Variants in FMN1 observed in about 807,000 individuals in gnomAD.
FMN1 encodes the protein formin-1.
A neutral mutation model predicts 132.4 loss-of-function variants in FMN1; 110 were observed. That is an observed-to-expected ratio of 0.83 (90% CI 0.71 to 0.97). The LOEUF is 0.97. Ranked by LOEUF, FMN1 falls within the 50% of genes least tolerant of loss-of-function variation. The pLI, the probability that FMN1 is intolerant of heterozygous loss-of-function variation, is 0.00. For missense variants in FMN1, 1,792 were observed against 1,705.3 expected (o/e 1.05, Z -0.90); for synonymous variants, 722 against 651.7 (o/e 1.11, Z -1.64).
At chr15:33,019,431 G>A (rs1238734111) in intron 6 of FMN1, among the ~76,000 whole-genome samples, 1 of 152,238 alleles carries the variant, frequency 6.6e-6, no homozygotes, top group South Asian at 2.1e-4. Flanking sequence ...TCACCCAGTG[G>A]ATCCTGCACC....
Position 33,000,427 on chromosome 15 carries a change from C to T in FMN1, c.2223+7587G>A, listed in dbSNP as rs576139475. ...TCCTGCCACTGCACTCCAGCCTGGG[C>T]GACAGAGCCAGACTCCATCTCAGGA... is the stretch of plus-strand genomic sequence containing the variant. On this transcript the variant is annotated intron_variant, in intron 7 of 20. Coordinates refer to ENST00000616417, the MANE Select transcript of FMN1 (RefSeq NM_001277313.2). 1.2e-3 allele frequency among the ~76,000 whole-genome samples: 162 copies of T among 131,862 alleles called. 1 individual carries two copies. The highest frequency in any genetic ancestry group is 4.3e-3 in the African/African-American group (152 of 35,716). 86.5% of individuals were successfully genotyped at this position (131,862 alleles called of 152,430 possible). A position where few individuals can be genotyped will look rare whatever the true frequency, so the allele number is the denominator to read the frequency against.
intron 4 of FMN1, among the ~76,000 whole-genome samples, chr15:33,139,158 A>G (rs928148355): frequency 2.0e-5 from 3 of 152,246 alleles, no homozygotes; most frequent in African/African-American, 7.2e-5. Flanking sequence ...CATATTGACT[A>G]TGAGTCTAAT....
chr15:32,910,663 C>T (rs2060538713), intron 10 of FMN1, 128 bp from the exon 11 acceptor site: 1 of 706,468 alleles, frequency 1.4e-6, no homozygotes, highest in South Asian at 1.7e-5. Context: ...CTGTGCCTCT[C>T]TGCTCCCCTT....
intron 9 of FMN1, among the ~76,000 whole-genome samples, chr15:32,930,770 A>G (rs1248022102): frequency 6.6e-6 from 1 of 152,050 alleles, no homozygotes; most frequent in Non-Finnish European, 1.5e-5. Context: ...AACAACTGCC[A>G]AAATCAATTT....
chr15:32,831,249 C>T (rs1596032780), intron 17 of FMN1, among the ~76,000 whole-genome samples: 2 of 151,190 alleles, frequency 1.3e-5, no homozygotes, highest in East Asian at 1.9e-4. Flanking sequence ...GACAGGGTTT[C>T]GCTGTGTCAA....
intron 6 of FMN1, among the ~76,000 whole-genome samples, chr15:33,057,236 CG>C (rs1350930289): frequency 6.6e-6 from 1 of 151,936 alleles, no homozygotes; most frequent in African/African-American, 2.4e-5. Flanking sequence ...TTTTCTTTGA[CG>C]GAAAGGGAAA....
At chr15:33,067,282 G>A in intron 5 of FMN1, 1 of 1,613,778 alleles carries the variant, frequency 6.2e-7, no homozygotes, top group Non-Finnish European at 8.5e-7. Flanking sequence ...CTTCTGCACA[G>A]AGCTCTGCAC....
At position 33,154,595 on chromosome 15, in the gene FMN1, A is replaced by G. The variant is rs1328201439; in HGVS notation, c.320T>C (p.Ile107Thr). The G allele has an allele frequency of 6.5e-7, 1 of 1,535,970 alleles. No individual in the cohort carries two copies. Among genetic ancestry groups the G allele is most frequent in the East Asian group, 2.4e-5 (1 of 40,896 alleles). ...CTGGTTCCCCATCGTGATCCCCAGGATGTGGTCTGAGCTCAGGAGATTGGT... is the reference window on the plus strand; with the variant it reads ...CTGGTTCCCCATCGTGATCCCCAGGGTGTGGTCTGAGCTCAGGAGATTGGT... The part of the protein sequence containing the change: ...LLTNLLSSDH[I>T]LGITMGNQEG... Residue 107 changes from isoleucine to threonine, a missense_variant, in exon 4 of 21, where the codon ATC (isoleucine) becomes ACC (threonine). Physicochemically the swap from Ile to Thr is moderately conservative, Grantham distance 89 (BLOSUM62 -1). Around this residue, in one of 3 missense-constraint regions of FMN1, gnomAD observed 638 missense variants for 645.2 expected, o/e 0.99. Coordinates refer to ENST00000616417, the MANE Select transcript of FMN1 (RefSeq NM_001277313.2).
intron 17 of FMN1, among the ~76,000 whole-genome samples, chr15:32,824,663 G>C (rs979780481): frequency 2.0e-5 from 3 of 152,096 alleles, no homozygotes; most frequent in Admixed American, 1.3e-4. Flanking sequence ...GTGCAATCAA[G>C]GCTCACTGGA....
intron 9 of FMN1, among the ~76,000 whole-genome samples, chr15:32,949,733 C>A (rs1382521503): frequency 6.6e-6 from 1 of 151,338 alleles, no homozygotes; most frequent in Non-Finnish European, 1.5e-5. Context: ...AGAGCTCCTA[C>A]ACAGCAAAAG....
chr15:32,778,786 C>T (rs1318373060), intron 19 of FMN1, among the ~76,000 whole-genome samples: 1 of 152,068 alleles, frequency 6.6e-6, no homozygotes, highest in East Asian at 1.9e-4. Flanking sequence ...TACCATATGA[C>T]CCAGCAATTC....
chr15:33,123,697 T>C (rs116039835), intron 4 of FMN1, among the ~76,000 whole-genome samples: 3,708 of 152,306 alleles, frequency 0.024, 141 homozygotes, highest in African/African-American at 0.082. Context: ...TGAACGTCCC[T>C]TCCATGAATT....
intron 7 of FMN1, among the ~76,000 whole-genome samples, chr15:32,990,193 C>CAATAA (rs1000685701): frequency 6.6e-6 from 1 of 151,930 alleles, no homozygotes; most frequent in Non-Finnish European, 1.5e-5. Context: ...AAGCTTGTGG[C>CAATAA]AATAAGGGAA....
intron 16 of FMN1, among the ~76,000 whole-genome samples, chr15:32,880,167 T>C (rs925349519): frequency 7.3e-6 from 1 of 136,568 alleles, no homozygotes; most frequent in Non-Finnish European, 1.6e-5. Context: ...TTGGTTAGAC[T>C]AGCGTTTGGT....
intron 17 of FMN1, among the ~76,000 whole-genome samples, chr15:32,809,195 T>C (rs1276397291): frequency 6.6e-6 from 1 of 152,196 alleles, no homozygotes; most frequent in Non-Finnish European, 1.5e-5. Flanking sequence ...ATTAACTGGA[T>C]CACTTCCCCA....
At chr15:33,141,964 A>G (rs748946010) in intron 4 of FMN1, among the ~76,000 whole-genome samples, 1 of 151,758 alleles carries the variant, frequency 6.6e-6, no homozygotes, top group Admixed American at 6.6e-5. Flanking sequence ...CACTATACCA[A>G]CTTGCTCATG....
intron 7 of FMN1, among the ~76,000 whole-genome samples, chr15:32,985,000 A>AAAAAG (rs57459992): frequency 7.5e-6 from 1 of 133,868 alleles, no homozygotes; most frequent in African/African-American, 2.6e-5. Context: ...AAAAAAAAAA[A>AAAAAG]GAAGGGCAAA....
intron 4 of FMN1, among the ~76,000 whole-genome samples, chr15:33,148,785 G>A (rs1028358387): frequency 2.0e-5 from 3 of 152,218 alleles, no homozygotes; most frequent in South Asian, 4.1e-4. Context: ...TCTGGATTAT[G>A]CTCTATCCTC....
At chr15:32,954,756 A>G (rs927769307) in intron 9 of FMN1, among the ~76,000 whole-genome samples, 1 of 150,942 alleles carries the variant, frequency 6.6e-6, no homozygotes, top group Non-Finnish European at 1.5e-5. Context: ...CTGTAATCCC[A>G]GCACTTTGGG....
Sources: gnomAD v4.1 joint callset for allele counts (sites outside exome capture counted in the v4.1 genomes callset) on GRCh38, gnomAD v4.1.1 for gene constraint, gnomAD v4.1.1 regional missense constraint, MANE v1.5 for transcripts, NCBI Gene and HGNC (gene_info 2026-07-23, HGNC 2026-07-21) for gene names.